Variants in DYNC2I1 observed in about 807,000 individuals in gnomAD.
DYNC2I1 encodes dynein 2 intermediate chain 1.
Under a neutral mutation model 133.4 loss-of-function variants are expected in DYNC2I1, and 89 were observed. The ratio of observed to expected loss-of-function variants is 0.67; its 90% CI spans 0.56 to 0.80. The LOEUF is 0.80. DYNC2I1 is among the 30% of genes least tolerant of loss of function. The pLI, the probability that DYNC2I1 is intolerant of heterozygous loss-of-function variation, is 0.00. For missense variants in DYNC2I1, 1,291 were observed against 1,314.5 expected, an observed-to-expected ratio of 0.98 and a Z score of 0.28; for synonymous variants, 504 against 484.3, an observed-to-expected ratio of 1.04 and a Z score of -0.54.
Position 158,879,664 on chromosome 7 carries a change from C to T in DYNC2I1, c.574-20C>T, listed in dbSNP as rs746656659. 5.8e-6 allele frequency: 9 copies of T among 1,549,304 alleles called. No individual in the cohort carries two copies. In the African/African-American group the frequency reaches 8.3e-5, roughly 14 times the overall value. ...CTATTTGATGTGCTCCTGTGTTTCT[C>T]AGCTTGTCGTGTTTTACAGCTGCAG... On this transcript the variant is annotated intron_variant, in intron 4 of 24. Transcript: ENST00000407559.
chr7:158,922,328 T>C, intron 15 of DYNC2I1, 49 bp from the exon 16 acceptor site: 10 of 1,573,912 alleles, frequency 6.4e-6, no homozygotes, highest in Non-Finnish European at 8.7e-6. Flanking sequence ...AAATTTAACT[T>C]GGATTCTGGC....
At chr7:158,910,717 G>A (rs1417583236) in intron 11 of DYNC2I1, among the ~76,000 whole-genome samples, 2 of 150,866 alleles carry the variant, frequency 1.3e-5, no homozygotes, top group Non-Finnish European at 2.9e-5. Context: ...AGACCTGTGG[G>A]CGGAGGACGA....
chr7:158,932,108 A>G (rs1850276459), intron 21 of DYNC2I1, among the ~76,000 whole-genome samples: 1 of 152,176 alleles, frequency 6.6e-6, no homozygotes, highest in African/African-American at 2.4e-5. Context: ...GCATCCCATC[A>G]GTCACTGAGC....
At chr7:158,947,795 G>A (rs990094319), downstream of DYNC2I1, among the ~76,000 whole-genome samples, 1 of 152,232 alleles carries the variant, frequency 6.6e-6, no homozygotes, top group Admixed American at 6.5e-5. Flanking sequence ...GGCGAGAGGA[G>A]GCCCAGCTCT....
At chr7:158,953,433 A>G (rs1852113139) in intron 4 of DYNC2I1, among the ~76,000 whole-genome samples, 1 of 152,252 alleles carries the variant, frequency 6.6e-6, no homozygotes, top group Non-Finnish European at 1.5e-5. Context: ...TTAAAACTAT[A>G]AAGTGAGATC....
upstream of DYNC2I1, among the ~76,000 whole-genome samples, chr7:158,854,033 G>A (rs1422690743): frequency 2.8e-5 from 4 of 145,368 alleles, no homozygotes; most frequent in African/African-American, 5.1e-5. Context: ...GTGGGGGGGC[G>A]TTGAGAAGTG....
At chr7:158,941,068 G>A (rs773683600) in intron 23 of DYNC2I1, among the ~76,000 whole-genome samples, 12 of 152,078 alleles carry the variant, frequency 7.9e-5, no homozygotes, top group South Asian at 2.1e-4. Flanking sequence ...AAGCAAAATC[G>A]ACAAACTTTT....
chr7:158,876,787 TAAGCCA>T, intron 4 of DYNC2I1, 96 bp downstream of exon 4: 1 of 1,431,178 alleles, frequency 7.0e-7, no homozygotes, highest in South Asian at 1.6e-5. Context: ...GAAAATGTCC[TAAGCCA>T]GGATTTCAGT....
At chr7:158,864,277 C>G (rs1584949546) in intron 1 of DYNC2I1, among the ~76,000 whole-genome samples, 1 of 152,066 alleles carries the variant, frequency 6.6e-6, no homozygotes, top group South Asian at 2.1e-4. Context: ...AACAGGATGA[C>G]GATGTGGACG....
At chr7:158,854,394 C>A (rs539899112), upstream of DYNC2I1, among the ~76,000 whole-genome samples, 3 of 149,342 alleles carry the variant, frequency 2.0e-5, no homozygotes, top group Admixed American at 2.1e-4. Context: ...AGCAAACTAT[C>A]ACAAGAACAG....
At chr7:158,862,928 T>C (rs755204722) in intron 1 of DYNC2I1, among the ~76,000 whole-genome samples, 3 of 151,406 alleles carry the variant, frequency 2.0e-5, no homozygotes, top group African/African-American at 7.3e-5. Context: ...TGGAGTTGTT[T>C]GTTCCTCCCG....
chr7:158,870,402 G>T (rs927401446), intron 2 of DYNC2I1, among the ~76,000 whole-genome samples: 1 of 151,854 alleles, frequency 6.6e-6, no homozygotes, highest in East Asian at 1.9e-4. Flanking sequence ...TGCCTAGGCC[G>T]GAGTGCAGTG....
chr7:158,869,787 A>G (rs1188044103), intron 1 of DYNC2I1, 68 bp from the exon 2 acceptor site: 1 of 1,258,472 alleles, frequency 7.9e-7, no homozygotes, highest in Non-Finnish European at 1.1e-6. Context: ...GCATAATGAA[A>G]AAGCAGCTCA....
intron 6 of DYNC2I1, among the ~76,000 whole-genome samples, chr7:158,885,135 C>T (rs1031751650): frequency 6.6e-6 from 1 of 152,122 alleles, no homozygotes; most frequent in Non-Finnish European, 1.5e-5. Flanking sequence ...CCCCCTCTGC[C>T]CACTGTTTAT....
At chr7:158,931,639 C>T (rs1181474370) in intron 21 of DYNC2I1, among the ~76,000 whole-genome samples, 2 of 152,210 alleles carry the variant, frequency 1.3e-5, no homozygotes, top group Non-Finnish European at 2.9e-5. Flanking sequence ...TACACACACA[C>T]TCTTTGAAGG....
chr7:158,855,939 C>CTTT (rs71200072), upstream of DYNC2I1, among the ~76,000 whole-genome samples: 15 of 119,288 alleles, frequency 1.3e-4, no homozygotes, highest in East Asian at 2.6e-4. Flanking sequence ...AAGCTCTTTT[C>CTTT]TTTTTTTTTT....
intron 15 of DYNC2I1, 64 bp from the exon 16 acceptor site, chr7:158,922,313 G>T: frequency 1.3e-6 from 2 of 1,516,766 alleles, no homozygotes; most frequent in South Asian, 1.2e-5. Flanking sequence ...ATTCGGAAGT[G>T]TGTTAAATTT....
chr7:158,898,063 G>A (rs1845910109), intron 8 of DYNC2I1, among the ~76,000 whole-genome samples: 1 of 152,100 alleles, frequency 6.6e-6, no homozygotes, highest in Admixed American at 6.5e-5. Context: ...TTATTTTTCT[G>A]TTACTGATTT....
intron 23 of DYNC2I1, among the ~76,000 whole-genome samples, chr7:158,940,477 A>C (rs907825146): frequency 6.6e-5 from 10 of 152,308 alleles, no homozygotes; most frequent in African/African-American, 2.4e-4. Context: ...GGACCCCTGC[A>C]CTAGACCAAA....
Sources: gnomAD v4.1 joint callset for allele counts (sites outside exome capture counted in the v4.1 genomes callset) on GRCh38, gnomAD v4.1.1 for gene constraint, MANE v1.5 for transcripts, NCBI Gene and HGNC (gene_info 2026-07-23, HGNC 2026-07-21) for gene names.